Variants in TAOK1 observed in about 807,000 individuals in gnomAD.
The protein encoded by TAOK1 is serine/threonine-protein kinase TAO1.
A neutral mutation model predicts 138.3 loss-of-function variants in TAOK1; 21 were observed. The ratio of observed to expected loss-of-function variants is 0.15; its 90% CI spans 0.11 to 0.22. TAOK1 has a LOEUF of 0.22. Among genes scored for constraint, TAOK1 ranks in the 10% least tolerant of loss-of-function variants. TAOK1 has a pLI of 1.00. For missense variants in TAOK1, 651 were observed against 1,227.7 expected (o/e 0.53, Z 7.02); for synonymous variants, 361 against 398.4 (o/e 0.91, Z 1.12).
Position 29,551,735 on chromosome 17 carries a change from A to G in TAOK1, c.*8713A>G, listed in dbSNP as rs996439759. The G allele has an allele frequency of 6.6e-6, 1 of 152,652 alleles. No homozygotes were observed. Among genetic ancestry groups the G allele is most frequent in the African/African-American group, 2.4e-5 (1 of 41,450 alleles). 9.5% of individuals were successfully genotyped at this position (152,652 alleles called of 1,614,324 possible). On this transcript the variant is annotated 3_prime_UTR_variant, in exon 20 of 20. Coordinates refer to ENST00000261716, the MANE Select transcript of TAOK1 (RefSeq NM_020791.4). ...GTTCAGCATACCTTATAGTTCATAT[A>G]TAACCTGTATTAATTGTATAGATTG...
At chr17:29,530,281 G>T (rs2032080002) in intron 17 of TAOK1, 126 bp from the exon 18 acceptor site, 2 of 791,280 alleles carry the variant, frequency 2.5e-6, no homozygotes, top group Admixed American at 2.8e-5. Flanking sequence ...GCAACCTGAT[G>T]ATCTGACCTG....
chr17:29,405,214 G>A (rs375413632), intron 1 of TAOK1, among the ~76,000 whole-genome samples: 29 of 152,112 alleles, frequency 1.9e-4, no homozygotes, highest in African/African-American at 6.0e-4. Flanking sequence ...TCTCAAACTC[G>A]TGACCTCAGG....
chr17:29,523,637 C>T (rs980878293), intron 17 of TAOK1, among the ~76,000 whole-genome samples: 5 of 152,108 alleles, frequency 3.3e-5, no homozygotes, highest in African/African-American at 7.2e-5. Flanking sequence ...CCACCCGCCT[C>T]GGCCTCCCAA....
chr17:29,466,656 G>A (rs2030676598), intron 2 of TAOK1, among the ~76,000 whole-genome samples: 1 of 152,164 alleles, frequency 6.6e-6, no homozygotes, highest in Admixed American at 6.5e-5. Flanking sequence ...ATTCTGGAAA[G>A]TTCCTTTGGT....
chr17:29,429,095 T>C lies in TAOK1; in HGVS notation c.-94-22360T>C, dbSNP rs568819737. On this transcript the variant is annotated intron_variant, in intron 1 of 19. Coordinates refer to ENST00000261716, the MANE Select transcript of TAOK1 (RefSeq NM_020791.4). ...TAGTTTGTTATCTCTGTATACTTGG[T>C]TTTAGAACTTAATGCCTTTCTAGGT... is the stretch of plus-strand genomic sequence containing the variant. Among the ~76,000 whole-genome samples, 201 of 152,278 alleles carry C rather than the reference T, an allele frequency of 1.3e-3. 1 individual carries two copies. In the Middle Eastern group the frequency reaches 0.017, roughly 13 times the overall value.
chr17:29,516,214 G>C (rs2031811678), intron 15 of TAOK1, among the ~76,000 whole-genome samples: 1 of 152,038 alleles, frequency 6.6e-6, no homozygotes, highest in African/African-American at 2.4e-5. Context: ...GCCCACCTCT[G>C]CCTCCCAAAG....
intron 3 of TAOK1, 37 bp downstream of exon 3, chr17:29,467,253 AT>A: frequency 7.6e-7 from 1 of 1,322,042 alleles, no homozygotes; most frequent in South Asian, 1.4e-5. Context: ...TTTTTCTTAT[AT>A]TTATCTCAGA....
intron 17 of TAOK1, among the ~76,000 whole-genome samples, chr17:29,525,097 G>GTTTTTTTTTGT (rs71138829): frequency 6.6e-6 from 1 of 151,480 alleles, no homozygotes; most frequent in Non-Finnish European, 1.5e-5. Context: ...CACAATGTTT[G>GTTTTTTTTTGT]TTTTTTTTGT....
At chr17:29,520,658 G>A (rs1005845517) in intron 16 of TAOK1, among the ~76,000 whole-genome samples, 2 of 151,508 alleles carry the variant, frequency 1.3e-5, no homozygotes, top group Admixed American at 1.3e-4. Context: ...CAGATGATCC[G>A]CCTGTCTCGG....
chr17:29,501,140 T>G (rs1470157515), intron 12 of TAOK1, among the ~76,000 whole-genome samples: 1 of 150,750 alleles, frequency 6.6e-6, no homozygotes. Context: ...ATCCCAGCAC[T>G]TGGGGAGGCT....
In TAOK1 at chr17:29,501,932, G is replaced by A. The variant is rs199862288; in HGVS notation, c.1204-657G>A. On this transcript the variant is annotated intron_variant, in intron 12 of 19. Transcript: ENST00000261716. ...CATGCCTGTGGTCCCAGCTACCTGGGAGGCTGAGGTGGGAGGATCGCTAGA... is the reference window on the plus strand; with the variant it reads ...CATGCCTGTGGTCCCAGCTACCTGGAAGGCTGAGGTGGGAGGATCGCTAGA... 1.5e-4 allele frequency among the ~76,000 whole-genome samples: 23 copies of A among 152,278 alleles called. No homozygotes were observed. The East Asian group carries it at 2.1e-3, about 14-fold the overall frequency.
At chr17:29,467,689 A>G (rs894920999) in intron 3 of TAOK1, among the ~76,000 whole-genome samples, 6 of 152,114 alleles carry the variant, frequency 3.9e-5, no homozygotes, top group Admixed American at 6.5e-5. Context: ...GTATATCTCA[A>G]TGAATTTATT....
intron 2 of TAOK1, among the ~76,000 whole-genome samples, chr17:29,453,552 A>G (rs910006928): frequency 1.3e-5 from 2 of 150,042 alleles, no homozygotes; most frequent in Admixed American, 6.6e-5. Context: ...CACCTGGCCT[A>G]TTTTGAGTTA....
rs2032364499 is a variant in TAOK1, at chr17:29,544,071, A to T, written c.*1049A>T. On this transcript the variant is annotated 3_prime_UTR_variant, in exon 20 of 20. Transcript: ENST00000261716. ...CAAAGACATATAGCCAATACAAATC[A>T]AATGCCGGAGGTGTTTGATGCCATA... 1 of 152,674 alleles carries T rather than the reference A, an allele frequency of 6.5e-6. No individual in the cohort carries two copies. The highest frequency in any genetic ancestry group is 6.5e-5 in the Admixed American group (1 of 15,288). 9.5% of individuals were successfully genotyped at this position (152,674 alleles called of 1,614,324 possible).
chr17:29,476,085 CAT>C lies in TAOK1; in HGVS notation c.306+317_306+318del, dbSNP rs1302872238. On this transcript the variant is annotated intron_variant, in intron 4 of 19. Coordinates refer to ENST00000261716, the MANE Select transcript of TAOK1 (RefSeq NM_020791.4). The stretch of plus-strand genomic sequence containing the variant: ...CATGTTACTTGAGGTTGAAAGTTAG[CAT>C]ATGTTTTCTTGACATAAATGTACTG... Among the ~76,000 whole-genome samples the C allele has an allele frequency of 2.0e-5, 3 of 152,168 alleles. No homozygotes were observed. In the East Asian group the frequency reaches 5.8e-4, roughly 29 times the overall value.
chr17:29,437,754 G>A (rs531735765), intron 1 of TAOK1, among the ~76,000 whole-genome samples: 96 of 111,716 alleles, frequency 8.6e-4, no homozygotes, highest in African/African-American at 3.4e-3. Flanking sequence ...TTTTTTTTGA[G>A]ATGGAGTCTC....
intron 17 of TAOK1, 109 bp downstream of exon 17, chr17:29,522,628 T>G (rs1256211880): frequency 6.9e-7 from 1 of 1,459,732 alleles, no homozygotes; most frequent in Non-Finnish European, 9.2e-7. Context: ...TGACTAAGCT[T>G]CTTTTCATTT....
intron 1 of TAOK1, among the ~76,000 whole-genome samples, chr17:29,402,776 T>G (rs1904885687): frequency 6.6e-6 from 1 of 152,080 alleles, no homozygotes; most frequent in Non-Finnish European, 1.5e-5. Flanking sequence ...ATGGGTCATG[T>G]CTTTAATCCT....
chr17:29,478,751 TAA>T lies in TAOK1; in HGVS notation c.449+406_449+407del, dbSNP rs2030996469. ...AAAGCTGAGTAGATAGAGCTAGAAC[TAA>T]ATCTAGATCTTTTGTCTTCTTGGTA... On this transcript the variant is annotated intron_variant, in intron 6 of 19. Coordinates refer to ENST00000261716, the MANE Select transcript of TAOK1 (RefSeq NM_020791.4). 1.3e-5 allele frequency among the ~76,000 whole-genome samples: 2 copies of T among 152,186 alleles called. 1 individual carries two copies. Among genetic ancestry groups the T allele is most frequent in the South Asian group, 4.1e-4 (2 of 4,830 alleles).
Sources: gnomAD v4.1 joint callset for allele counts (sites outside exome capture counted in the v4.1 genomes callset) on GRCh38, gnomAD v4.1.1 for gene constraint, MANE v1.5 for transcripts, NCBI Gene and HGNC (gene_info 2026-07-23, HGNC 2026-07-21) for gene names.